The following GCSAML variants were observed in gnomAD, a reference collection of about 807,000 sequenced individuals.
GCSAML encodes germinal center associated signaling and motility like, also known as germinal center-associated signaling and motility-like protein.
In GCSAML, 9 loss-of-function variants were observed where a neutral mutation model predicts 13.0. The ratio of observed to expected loss-of-function variants is 0.69; its 90% confidence interval spans 0.42 to 1.21. The LOEUF is 1.21. GCSAML is among the 50% of genes most tolerant of loss of function. The pLI is 0.00. For missense variants in GCSAML, 143 were observed against 153.4 expected (o/e 0.93, Z 0.36); for synonymous variants, 37 against 52.9 (o/e 0.70, Z 1.31).
upstream of GCSAML, chr1:247,548,952 G>T: frequency 1.1e-6 from 1 of 906,086 alleles, no homozygotes; most frequent in Admixed American, 2.7e-5. The surrounding 1 kb of genome is among the most constrained non-coding windows in gnomAD (Gnocchi z 5.3). Flanking sequence ...GTGTATGAGT[G>T]TGTGTGTGTG....
upstream of GCSAML, among the ~76,000 whole-genome samples, chr1:247,544,754 C>G (rs1487926093): frequency 2.6e-5 from 4 of 152,096 alleles, no homozygotes; most frequent in Admixed American, 2.0e-4. Flanking sequence ...ACTCGGGAGC[C>G]CAAGGCAGGA....
chr1:247,563,511 A>C, intron 2 of GCSAML, 79 bp from the exon 3 acceptor site: 1 of 785,582 alleles, frequency 1.3e-6, no homozygotes, highest in Non-Finnish European at 2.1e-6. Flanking sequence ...GGTTAAGGGC[A>C]ACCAAATGCT....
At chr1:247,548,971 C>A, upstream of GCSAML, 2 of 1,169,820 alleles carry the variant, frequency 1.7e-6, no homozygotes, top group Non-Finnish European at 1.2e-6. This position sits in a 1 kb window ranked among gnomAD's most constrained non-coding sequence, Gnocchi z 5.3. Flanking sequence ...TGCGTGCAGG[C>A]ACACACACGC....
chr1:247,566,726 A>G (rs1426115019), intron 4 of GCSAML, among the ~76,000 whole-genome samples: 2 of 152,108 alleles, frequency 1.3e-5, no homozygotes, highest in African/African-American at 4.8e-5. Flanking sequence ...TATGGAAAAA[A>G]GTTTATTCCT....
intron 1 of GCSAML, among the ~76,000 whole-genome samples, chr1:247,517,549 A>T (rs1036095079): frequency 2.6e-5 from 4 of 152,200 alleles, no homozygotes; most frequent in Non-Finnish European, 5.9e-5. Flanking sequence ...TATTTTTTTT[A>T]ATATTATTTA....
At chr1:247,536,493 T>C (rs1397068533) in intron 2 of GCSAML, 12 of 152,220 alleles carry the variant, frequency 7.9e-5, no homozygotes, top group African/African-American at 2.9e-4. Context: ...TGGCTCATGG[T>C]GTTTCCAGAA....
intron 1 of GCSAML, among the ~76,000 whole-genome samples, chr1:247,511,865 C>T (rs1666049845): frequency 6.6e-6 from 1 of 152,192 alleles, no homozygotes; most frequent in South Asian, 2.1e-4. Flanking sequence ...AGGGTTTCTG[C>T]AGAGAGGTCC....
At chr1:247,553,633 G>A (rs1462247624) in intron 1 of GCSAML, among the ~76,000 whole-genome samples, 6 of 152,064 alleles carry the variant, frequency 3.9e-5, no homozygotes, top group African/African-American at 7.2e-5. Flanking sequence ...TATGTTGCCC[G>A]GTCTGGAGTG....
chr1:247,555,978 C>T (rs776134375), intron 1 of GCSAML, among the ~76,000 whole-genome samples: 14 of 152,204 alleles, frequency 9.2e-5, no homozygotes, highest in African/African-American at 1.9e-4. Context: ...GGCCCAGAGA[C>T]GCTTGCTCTG....
intron 1 of GCSAML, among the ~76,000 whole-genome samples, chr1:247,511,694 C>T (rs1161594094): frequency 6.6e-6 from 1 of 152,184 alleles, no homozygotes; most frequent in Non-Finnish European, 1.5e-5. Context: ...TCTTATAAGG[C>T]AGCCCTGGTG....
chr1:247,518,926 CT>C (rs768565487), intron 1 of GCSAML, among the ~76,000 whole-genome samples: 2 of 151,840 alleles, frequency 1.3e-5, no homozygotes. Context: ...GAGTTTGAGG[CT>C]TCAGTGAGCT....
Position 247,575,955 on chromosome 1 carries a change from A to G in GCSAML, c.*1573A>G, listed in dbSNP as rs1668820688. On this transcript the variant is annotated 3_prime_UTR_variant, in exon 5 of 5. Coordinates refer to ENST00000366488, the MANE Select transcript of GCSAML (RefSeq NM_145278.5). Reference sequence around the variant, plus strand: ...ATGCATTCATTATATATTTTTTTGTATAGTTACAGTATACGAGTTGAGTAT... The same window carrying G: ...ATGCATTCATTATATATTTTTTTGTGTAGTTACAGTATACGAGTTGAGTAT... 1 of 152,170 alleles carries G rather than the reference A, an allele frequency of 6.6e-6. No homozygotes were observed. Among genetic ancestry groups the G allele is most frequent in the Non-Finnish European group, 1.5e-5 (1 of 68,038 alleles). The allele number at this position is 152,170 out of a possible 1,614,324, so 9.4% of individuals were successfully genotyped here. A position where few individuals can be genotyped will look rare whatever the true frequency, so the allele number is the denominator to read the frequency against.
At chr1:247,537,235 T>C (rs1667252746) in intron 2 of GCSAML, among the ~76,000 whole-genome samples, 1 of 152,230 alleles carries the variant, frequency 6.6e-6, no homozygotes, top group African/African-American at 2.4e-5. Flanking sequence ...CATGTTATTG[T>C]GTCTGGTTTC....
intron 2 of GCSAML, chr1:247,531,483 C>T (rs141481931): frequency 5.9e-6 from 9 of 1,521,224 alleles, no homozygotes; most frequent in East Asian, 2.3e-5. Context: ...TCCCAAGTGC[C>T]CTGTCTTCCA....
intron 2 of GCSAML, chr1:247,532,281 G>C: frequency 6.2e-7 from 1 of 1,614,202 alleles, no homozygotes; most frequent in Non-Finnish European, 8.5e-7. Context: ...GTGGGACAAT[G>C]CTCGTGGTGA....
intron 2 of GCSAML, among the ~76,000 whole-genome samples, chr1:247,558,410 G>A (rs562611511): frequency 1.3e-5 from 2 of 152,140 alleles, no homozygotes; most frequent in African/African-American, 4.8e-5. Flanking sequence ...TAGGCTTATA[G>A]AGGTATAGTA....
At chr1:247,513,082 ATGTT>A (rs557229713) in intron 1 of GCSAML, among the ~76,000 whole-genome samples, 15 of 152,136 alleles carry the variant, frequency 9.9e-5, no homozygotes, top group Non-Finnish European at 1.6e-4. Context: ...GCAGGCAGAA[ATGTT>A]TGTCTGCTGA....
At chr1:247,571,528 C>G (rs1439630279) in intron 4 of GCSAML, among the ~76,000 whole-genome samples, 1 of 152,160 alleles carries the variant, frequency 6.6e-6, no homozygotes, top group African/African-American at 2.4e-5. Context: ...AATATTGGCC[C>G]CCACTCTCTT....
At position 247,532,582 on chromosome 1, in the gene GCSAML, G is replaced by A. The variant is rs1471880364; in HGVS notation, c.-148+5528G>A. The A allele has an allele frequency of 7.3e-6, 10 of 1,372,652 alleles. 1 individual carries two copies. The African/African-American group carries it at 1.0e-4, about 14-fold the overall frequency. 85.0% of individuals were successfully genotyped at this position (1,372,652 alleles called of 1,614,324 possible). Reference sequence around the variant, plus strand: ...GGGCATACAGGGCATGAGACATGAAGCAATTACATCAGTTAGCAAACATTA... The same window carrying A: ...GGGCATACAGGGCATGAGACATGAAACAATTACATCAGTTAGCAAACATTA... On this transcript the variant is annotated intron_variant, in intron 2 of 5. Coordinates refer to the GCSAML transcript ENST00000366489.
Sources: gnomAD v4.1 joint callset for allele counts (sites outside exome capture counted in the v4.1 genomes callset) on GRCh38, gnomAD v4.1.1 for gene constraint, Gnocchi (gnomAD v3.1) non-coding constraint, MANE v1.5 for transcripts, NCBI Gene and HGNC (gene_info 2026-07-23, HGNC 2026-07-21) for gene names.